BTRC: variants seen among roughly 807,000 people sequenced by gnomAD.
The protein encoded by BTRC is F-box/WD repeat-containing protein 1A.
A neutral mutation model predicts 85.5 loss-of-function variants in BTRC; 42 were observed. The ratio of observed to expected loss-of-function variants is 0.49; its 90% CI spans 0.38 to 0.64. The LOEUF (loss-of-function observed/expected upper bound fraction) is 0.64. Among genes scored for constraint, BTRC ranks in the 30% least tolerant of loss-of-function variants. BTRC has a pLI of 0.00. For synonymous variants in BTRC, 255 were observed against 263.3 expected (o/e 0.97, Z 0.30); for missense variants, 594 against 743.5 (o/e 0.80, Z 2.34).
chr10:101,530,496 G>GAAA lies in BTRC; in HGVS notation c.744-730_744-728dup, dbSNP rs78696755. The stretch of plus-strand genomic sequence containing the variant: ...TGGGGACCACTGACACAGTAAAAGG[G>GAAA]AAAAAAAAAAAAACCTATAGGGCAT... On this transcript the variant is annotated intron_variant, in intron 6 of 14. Transcript: ENST00000370187. Among the ~76,000 whole-genome samples, 7 of 133,362 alleles carry GAAA rather than the reference G, an allele frequency of 5.2e-5. No homozygotes were observed. In the South Asian group the frequency reaches 7.2e-4, roughly 14 times the overall value. The allele number at this position is 133,362 out of a possible 152,430, so 87.5% of individuals were successfully genotyped here.
intron 4 of BTRC, among the ~76,000 whole-genome samples, chr10:101,488,993 A>G (rs1374535527): frequency 6.6e-6 from 1 of 152,154 alleles, no homozygotes; most frequent in Non-Finnish European, 1.5e-5. Context: ...GCATTTACAG[A>G]AACTTAAGTC....
At chr10:101,399,462 G>A (rs1179413651) in intron 1 of BTRC, among the ~76,000 whole-genome samples, 2 of 151,390 alleles carry the variant, frequency 1.3e-5, no homozygotes, top group Admixed American at 6.6e-5. Context: ...CCAGCAAACA[G>A]TTCAAAGATT....
chr10:101,519,943 C>G (rs2062079206), intron 4 of BTRC, among the ~76,000 whole-genome samples: 1 of 151,982 alleles, frequency 6.6e-6, no homozygotes, highest in South Asian at 2.1e-4. Context: ...TGCAGTGAGC[C>G]GAGATCACGC....
chr10:101,384,651 C>A (rs560900135), intron 1 of BTRC, among the ~76,000 whole-genome samples: 8 of 152,024 alleles, frequency 5.3e-5, no homozygotes, highest in Admixed American at 2.0e-4. Context: ...AACAGTCCAG[C>A]CAATTAGCAG....
rs71016324 is a variant in BTRC at position 101,475,922 on chromosome 10, CATAT to C, written c.235-3417_235-3414del. On this transcript the variant is annotated intron_variant, in intron 3 of 14. Transcript: ENST00000370187. ...TTTGCATAGTCTCCAAGTATTTTGC[CATAT>C]ATATATATATATATATATATATATA... 6.3e-3 allele frequency among the ~76,000 whole-genome samples: 427 copies of C among 67,570 alleles called. 13 individuals carry two copies. Among genetic ancestry groups the C allele is most frequent in the Middle Eastern group, 0.034 (3 of 88 alleles). The allele number at this position is 67,570 out of a possible 152,430, so 44.3% of individuals were successfully genotyped here.
intron 2 of BTRC, among the ~76,000 whole-genome samples, chr10:101,439,497 G>T (rs113384285): frequency 6.6e-6 from 1 of 152,172 alleles, no homozygotes; most frequent in Non-Finnish European, 1.5e-5. Context: ...TTGCAGTATC[G>T]TTGCACATTC....
chr10:101,455,880 G>A (rs755460550), intron 2 of BTRC, among the ~76,000 whole-genome samples: 8 of 151,938 alleles, frequency 5.3e-5, no homozygotes, highest in Non-Finnish European at 1.0e-4. Context: ...GGTGGCTTAC[G>A]CCTGTAATCC....
chr10:101,392,551 C>G (rs1171278651), intron 1 of BTRC, among the ~76,000 whole-genome samples: 4 of 152,022 alleles, frequency 2.6e-5, no homozygotes, highest in Admixed American at 6.6e-5. Flanking sequence ...GGCTAGAGTG[C>G]AGTGGCGGCA....
At chr10:101,535,142 A>G (rs2062366937) in intron 10 of BTRC, among the ~76,000 whole-genome samples, 2 of 152,194 alleles carry the variant, frequency 1.3e-5, no homozygotes, top group African/African-American at 2.4e-5. Flanking sequence ...ACCCTAGAAG[A>G]GTAAATCAAT....
chr10:101,509,122 T>C (rs1342904492), intron 4 of BTRC, among the ~76,000 whole-genome samples: 1 of 151,980 alleles, frequency 6.6e-6, no homozygotes, highest in Admixed American at 6.6e-5. Flanking sequence ...TCTTTAGAAA[T>C]CTAGGTCTCC....
chr10:101,415,092 C>T (rs1198923455), intron 1 of BTRC, among the ~76,000 whole-genome samples: 1 of 152,144 alleles, frequency 6.6e-6, no homozygotes, highest in Non-Finnish European at 1.5e-5. Flanking sequence ...TTATTGACCA[C>T]TCATTCAGTA....
At chr10:101,484,257 T>C (rs1393893076) in intron 4 of BTRC, among the ~76,000 whole-genome samples, 1 of 152,248 alleles carries the variant, frequency 6.6e-6, no homozygotes, top group Non-Finnish European at 1.5e-5. Flanking sequence ...AGAAGACTTG[T>C]TTTATTTATT....
intron 13 of BTRC, among the ~76,000 whole-genome samples, chr10:101,545,123 C>A (rs866854408): frequency 6.6e-6 from 1 of 151,182 alleles, no homozygotes; most frequent in African/African-American, 2.4e-5. Flanking sequence ...CCATTTTCTT[C>A]TGGCTTGGTT....
At chr10:101,387,535 T>TTTTTTTTTTTTTTTTTTC in intron 1 of BTRC, among the ~76,000 whole-genome samples, 1 of 117,260 alleles carries the variant, frequency 8.5e-6, no homozygotes, top group Non-Finnish European at 1.7e-5. Context: ...GGACTTTTTT[T>TTTTTTTTTTTTTTTTTTC]TTTTTTTTTT....
chr10:101,386,318 C>G (rs1202593830), intron 1 of BTRC, among the ~76,000 whole-genome samples: 1 of 152,198 alleles, frequency 6.6e-6, no homozygotes, highest in Non-Finnish European at 1.5e-5. Flanking sequence ...GGAATAAACT[C>G]TGTTCTGTCA....
chr10:101,400,079 G>A (rs780893548), intron 1 of BTRC, among the ~76,000 whole-genome samples: 2 of 152,164 alleles, frequency 1.3e-5, no homozygotes, highest in African/African-American at 2.4e-5. Flanking sequence ...CCATAAACTG[G>A]ATGGGGAGGG....
intron 1 of BTRC, among the ~76,000 whole-genome samples, chr10:101,362,126 C>A (rs1209794343): frequency 2.7e-5 from 4 of 148,886 alleles, no homozygotes; most frequent in Non-Finnish European, 4.5e-5. Flanking sequence ...ACACCCAGCT[C>A]ATTTTTGTGT....
rs1032467634 is a variant in BTRC at position 101,354,211 on chromosome 10, A to G, written c.31A>G (p.Lys11Glu). Reference sequence around the variant, plus strand: ...CCCGGCCGAGGCGGTGCTGCAAGAGAAGGCACTCAAGTTTATGGTGAGGAG... The same window carrying G: ...CCCGGCCGAGGCGGTGCTGCAAGAGGAGGCACTCAAGTTTATGGTGAGGAG... MDPAEAVLQE[K>E]ALKFMCSMPR... The change falls in exon 1 of 15, where the codon AAG becomes GAG. Residue 11 changes from lysine to glutamate, a missense_variant. Coordinates refer to ENST00000370187, the MANE Select transcript of BTRC (RefSeq NM_033637.4). 6.5e-7 allele frequency: 1 copy of G among 1,548,994 alleles called. No homozygotes were observed. Among genetic ancestry groups the G allele is most frequent in the African/African-American group, 1.4e-5 (1 of 72,918 alleles).
At chr10:101,548,911 G>A (rs947684530) in intron 13 of BTRC, among the ~76,000 whole-genome samples, 2 of 150,060 alleles carry the variant, frequency 1.3e-5, no homozygotes, top group Admixed American at 1.3e-4. Context: ...AAATTAGCTG[G>A]GTGTGGTGGC....
Sources: allele counts gnomAD v4.1 joint callset (sites outside exome capture counted in the v4.1 genomes callset), GRCh38; gene constraint gnomAD v4.1.1; transcripts MANE v1.5; gene names NCBI Gene and HGNC (gene_info 2026-07-23, HGNC 2026-07-21).